Variants in ADCY2 observed in about 807,000 individuals in gnomAD.
The protein encoded by ADCY2 is adenylate cyclase 2.
In ADCY2, 31 loss-of-function variants were observed where a neutral mutation model predicts 125.2. The observed-to-expected ratio is 0.25, with a 90% CI of 0.19 to 0.33. The LOEUF (loss-of-function observed/expected upper bound fraction) is 0.33. Ranked by LOEUF, ADCY2 falls within the 10% of genes least tolerant of loss-of-function variation. The pLI is 1.00. For missense variants in ADCY2, 904 were observed against 1,418.2 expected, an observed-to-expected ratio of 0.64 and a Z score of 5.82; for synonymous variants, 512 against 548.4, an observed-to-expected ratio of 0.93 and a Z score of 0.93.
At chr5:7,559,440 G>A (rs983366763) in intron 3 of ADCY2, among the ~76,000 whole-genome samples, 3 of 152,130 alleles carry the variant, frequency 2.0e-5, no homozygotes, top group Non-Finnish European at 4.4e-5. Context: ...TGTGGCAATT[G>A]TGAATGGGAG....
At chr5:7,521,451 A>G (rs1744442790) in intron 3 of ADCY2, among the ~76,000 whole-genome samples, 2 of 152,234 alleles carry the variant, frequency 1.3e-5, no homozygotes, top group Non-Finnish European at 1.5e-5. Flanking sequence ...TTAATTAGTT[A>G]CAAGCATTTT....
intron 15 of ADCY2, among the ~76,000 whole-genome samples, chr5:7,748,523 C>CACACACACACACACACACAG (rs1422680104): frequency 4.0e-4 from 17 of 42,502 alleles, no homozygotes; most frequent in Admixed American, 1.1e-3. Flanking sequence ...CCCTCCAACA[C>CACACACACACACACACACAG]ACACACACAC....
chr5:7,492,252 G>A (rs1474490617), intron 2 of ADCY2, among the ~76,000 whole-genome samples: 1 of 152,216 alleles, frequency 6.6e-6, no homozygotes, highest in Non-Finnish European at 1.5e-5. Context: ...TCAGTGACAT[G>A]TTTGGAAGTG....
chr5:7,488,862 G>A (rs1367184968), intron 2 of ADCY2, among the ~76,000 whole-genome samples: 1 of 151,654 alleles, frequency 6.6e-6, no homozygotes, highest in Non-Finnish European at 1.5e-5. Flanking sequence ...TTAAGCTGCA[G>A]ATCTCCTCCT....
rs146442439 is a variant in ADCY2 at position 7,682,530 on chromosome 5, A to G, written c.721-8161A>G. ...GCACAGCCTACTCCAAAAGAGAACC[A>G]TGAATGTGGGAGGAGCCTGTCATCC... On this transcript the variant is annotated intron_variant, in intron 4 of 24. Coordinates refer to ENST00000338316, the MANE Select transcript of ADCY2 (RefSeq NM_020546.3). Among the ~76,000 whole-genome samples the G allele has an allele frequency of 7.1e-3, 1,088 of 152,294 alleles. 16 individuals are homozygous for G. The highest frequency in any genetic ancestry group is 0.025 in the African/African-American group (1,049 of 41,554).
intron 2 of ADCY2, among the ~76,000 whole-genome samples, chr5:7,416,577 ATAC>A: frequency 6.6e-6 from 1 of 152,344 alleles, no homozygotes; most frequent in Admixed American, 6.5e-5. Flanking sequence ...GCAGATGACC[ATAC>A]TATCTATACA....
At chr5:7,774,163 A>G (rs1363960206) in intron 18 of ADCY2, among the ~76,000 whole-genome samples, 1 of 152,226 alleles carries the variant, frequency 6.6e-6, no homozygotes, top group East Asian at 1.9e-4. Flanking sequence ...CCCACTGTGT[A>G]GACATTTCTT....
chr5:7,488,558 C>T (rs1743030415), intron 2 of ADCY2, among the ~76,000 whole-genome samples: 2 of 152,114 alleles, frequency 1.3e-5, no homozygotes, highest in South Asian at 2.1e-4. Context: ...CTTCTGCTTC[C>T]ATTAAATTTT....
intron 3 of ADCY2, among the ~76,000 whole-genome samples, chr5:7,596,473 A>T (rs902737591): frequency 6.6e-6 from 1 of 152,224 alleles, no homozygotes; most frequent in African/African-American, 2.4e-5. Flanking sequence ...AACAATAACG[A>T]AATACCTAAA....
chr5:7,745,877 G>A (rs1742602359), intron 15 of ADCY2, among the ~76,000 whole-genome samples: 1 of 152,172 alleles, frequency 6.6e-6, no homozygotes, highest in Non-Finnish European at 1.5e-5. Flanking sequence ...TCTCTAAGTT[G>A]TTATATTAAA....
intron 21 of ADCY2, among the ~76,000 whole-genome samples, chr5:7,803,938 GTA>G (rs1052121514): frequency 2.0e-5 from 3 of 147,228 alleles, no homozygotes; most frequent in Admixed American, 1.4e-4. Flanking sequence ...ATGTGTGTGT[GTA>G]TATATATACA....
intron 3 of ADCY2, among the ~76,000 whole-genome samples, chr5:7,597,501 G>T (rs1405201292): frequency 6.6e-6 from 1 of 152,236 alleles, no homozygotes; most frequent in Non-Finnish European, 1.5e-5. Flanking sequence ...GTGGCCAGGC[G>T]CAGTGGCTCA....
chr5:7,751,358 G>A (rs561474202), intron 15 of ADCY2, among the ~76,000 whole-genome samples: 3 of 152,010 alleles, frequency 2.0e-5, no homozygotes, highest in Non-Finnish European at 4.4e-5. Flanking sequence ...TCCTCATATG[G>A]TCCATTGCCT....
rs398108564 is a variant in ADCY2, at chr5:7,589,506, G to GAAAGAAAAGA, written c.571-36653_571-36644dup. 2.3e-3 allele frequency among the ~76,000 whole-genome samples: 218 copies of GAAAGAAAAGA among 93,874 alleles called. 5 individuals are homozygous for GAAAGAAAAGA. Among genetic ancestry groups the GAAAGAAAAGA allele is most frequent in the South Asian group, 0.014 (33 of 2,316 alleles). 61.6% of individuals were successfully genotyped at this position (93,874 alleles called of 152,430 possible). A position where few individuals can be genotyped will look rare whatever the true frequency, so the allele number is the denominator to read the frequency against. On this transcript the variant is annotated intron_variant, in intron 3 of 24. Coordinates refer to ENST00000338316, the MANE Select transcript of ADCY2 (RefSeq NM_020546.3). ...AGAAAGAAAGAAAGAAAGAAAGAAA[G>GAAAGAAAAGA]AAAGAAAAGAAAAGAAAGAGAAAGA...
At chr5:7,702,178 G>A (rs1741101264) in intron 7 of ADCY2, among the ~76,000 whole-genome samples, 1 of 151,824 alleles carries the variant, frequency 6.6e-6, no homozygotes, top group Non-Finnish European at 1.5e-5. Flanking sequence ...GATCACCTGA[G>A]GTCAGGAGCT....
At chr5:7,804,075 C>A (rs1465955695) in intron 21 of ADCY2, among the ~76,000 whole-genome samples, 18 of 23,500 alleles carry the variant, frequency 7.7e-4, no homozygotes, top group Admixed American at 9.6e-4. Flanking sequence ...AGAGAGAGAG[C>A]TGGTTTCTCT....
rs1741634181 is a variant in ADCY2, at chr5:7,455,463, C to G, written c.408+40693C>G. Among the ~76,000 whole-genome samples, 3 of 151,912 alleles carry G rather than the reference C, an allele frequency of 2.0e-5. No homozygotes were observed. The South Asian group carries it at 6.2e-4, about 32-fold the overall frequency. The stretch of plus-strand genomic sequence containing the variant: ...GATATCACACATTATTATAGGGGAT[C>G]AAGGTTATGTGATTACCTATTCAAT... On this transcript the variant is annotated intron_variant, in intron 2 of 24. Transcript: ENST00000338316.
intron 4 of ADCY2, among the ~76,000 whole-genome samples, chr5:7,681,248 C>T (rs1740323353): frequency 6.6e-6 from 1 of 152,160 alleles, no homozygotes; most frequent in South Asian, 2.1e-4. Context: ...TTATTCTTTC[C>T]TGAAAAGTTG....
intron 19 of ADCY2, among the ~76,000 whole-genome samples, chr5:7,786,775 ATGAAGCTGT>A (rs1425049571): frequency 6.6e-6 from 1 of 152,140 alleles, no homozygotes; most frequent in Non-Finnish European, 1.5e-5. Context: ...TGACCTCAAA[ATGAAGCTGT>A]TGTTTTGTAG....
Sources: gnomAD v4.1 joint callset for allele counts (sites outside exome capture counted in the v4.1 genomes callset) on GRCh38, gnomAD v4.1.1 for gene constraint, MANE v1.5 for transcripts, NCBI Gene and HGNC (gene_info 2026-07-23, HGNC 2026-07-21) for gene names.